The following PRKG1 variants were observed in gnomAD, a reference collection of about 807,000 sequenced individuals.
PRKG1 encodes cGMP-dependent protein kinase 1.
PRKG1 carries 35 observed loss-of-function variants against 88.1 expected under a neutral mutation model. The ratio of observed to expected loss-of-function variants is 0.40; its 90% CI spans 0.30 to 0.53. The LOEUF is 0.53. Ranked by LOEUF, PRKG1 falls within the 20% of genes least tolerant of loss-of-function variation. The probability of loss-of-function intolerance (pLI) is 0.59; values close to 1 mark genes in which losing one functional copy is unlikely to be tolerated. For synonymous variants in PRKG1, 303 were observed against 292.5 expected (o/e 1.04, Z -0.37); for missense variants, 540 against 839.8 (o/e 0.64, Z 4.41).
At chr10:51,872,107 G>A (rs971661009) in intron 4 of PRKG1, among the ~76,000 whole-genome samples, 6 of 151,978 alleles carry the variant, frequency 3.9e-5, no homozygotes, top group South Asian at 2.1e-4. Context: ...CTTCATCTCC[G>A]CCTCTCCTCT....
chr10:51,193,275 T>C (rs1837676256), intron 2 of PRKG1, among the ~76,000 whole-genome samples: 1 of 151,932 alleles, frequency 6.6e-6, no homozygotes, highest in Non-Finnish European at 1.5e-5. Flanking sequence ...TCAGAAACCA[T>C]CTACATCAAA....
intron 1 of PRKG1, among the ~76,000 whole-genome samples, chr10:51,134,902 A>G (rs1282306684): frequency 6.6e-6 from 1 of 152,192 alleles, no homozygotes; most frequent in African/African-American, 2.4e-5. Context: ...ACCAGTGTAT[A>G]TACAGCCCAG....
At chr10:51,480,389 C>G (rs1247035770) in intron 3 of PRKG1, among the ~76,000 whole-genome samples, 2 of 151,812 alleles carry the variant, frequency 1.3e-5, no homozygotes, top group Non-Finnish European at 2.9e-5. Context: ...AAGAAGTGTC[C>G]CTCTACTTAA....
chr10:52,027,907 G>A (rs1033175003), intron 5 of PRKG1, among the ~76,000 whole-genome samples: 1 of 152,054 alleles, frequency 6.6e-6, no homozygotes, highest in African/African-American at 2.4e-5. Context: ...TCCTGCCTCA[G>A]CCACCAGAGT....
chr10:51,245,061 C>G (rs1839254656), intron 2 of PRKG1: 2 of 152,096 alleles, frequency 1.3e-5, no homozygotes, highest in African/African-American at 2.4e-5. Context: ...TTTTCCTCTT[C>G]TCCCTAGCTT....
intron 5 of PRKG1, among the ~76,000 whole-genome samples, chr10:51,942,314 G>A (rs1337395304): frequency 6.6e-6 from 1 of 151,862 alleles, no homozygotes; most frequent in Admixed American, 6.6e-5. Context: ...TTTTTTTCTT[G>A]TAAATTTGTT....
At chr10:51,939,438 T>C (rs536093319) in intron 5 of PRKG1, among the ~76,000 whole-genome samples, 1 of 152,114 alleles carries the variant, frequency 6.6e-6, no homozygotes, top group South Asian at 2.1e-4. Context: ...ATTACAACCC[T>C]GAACAGATAC....
intron 1 of PRKG1, among the ~76,000 whole-genome samples, chr10:51,045,098 A>G (rs559204309): frequency 1.3e-5 from 2 of 152,298 alleles, no homozygotes; most frequent in Non-Finnish European, 2.9e-5. Flanking sequence ...CACTTTTAAT[A>G]CATTTACTTT....
At chr10:51,076,974 G>C (rs1421508475) in intron 1 of PRKG1, among the ~76,000 whole-genome samples, 1 of 152,104 alleles carries the variant, frequency 6.6e-6, no homozygotes, top group Non-Finnish European at 1.5e-5. Flanking sequence ...GAAAATGATA[G>C]AATGCCTTCC....
chr10:51,748,655 T>C (rs1289307899), intron 3 of PRKG1, among the ~76,000 whole-genome samples: 1 of 152,238 alleles, frequency 6.6e-6, no homozygotes, highest in Admixed American at 6.5e-5. Context: ...TAATTGGATG[T>C]TTAAGCCAAA....
chr10:51,973,563 A>G (rs572797218), intron 5 of PRKG1, among the ~76,000 whole-genome samples: 65 of 152,282 alleles, frequency 4.3e-4, no homozygotes, highest in African/African-American at 1.5e-3. Flanking sequence ...TTCACTTGGT[A>G]TATTAGTTGC....
At position 52,282,314 on chromosome 10, in the gene PRKG1, C is replaced by G. The variant is rs547952925; in HGVS notation, c.1707C>G (p.Gly569=). ...LGILMYELLT[G]SPPFSGPDPM... is the part of the protein sequence containing the mutation. ...TCCTAATGTATGAACTCCTGACTGG[C>G]AGGTATGGATATTGATAGGGAACTG... The change falls in exon 14 of 18, where the codon GGC becomes GGG. Residue 569 remains glycine, a splice_region_variant and synonymous_variant. Transcript: ENST00000373980. The G allele has an allele frequency of 6.3e-6, 10 of 1,591,962 alleles. No homozygotes were observed. In the African/African-American group the frequency reaches 9.4e-5, roughly 15 times the overall value.
At chr10:51,489,280 G>A (rs1032491300) in intron 3 of PRKG1, among the ~76,000 whole-genome samples, 6 of 152,108 alleles carry the variant, frequency 3.9e-5, no homozygotes, top group Non-Finnish European at 5.9e-5. Context: ...GTAGGCAGAC[G>A]GGACAGGCAT....
At chr10:51,509,010 A>C (rs1031911918) in intron 3 of PRKG1, among the ~76,000 whole-genome samples, 1 of 152,172 alleles carries the variant, frequency 6.6e-6, no homozygotes, top group Non-Finnish European at 1.5e-5. Flanking sequence ...ATCTGAGTTA[A>C]AATTGTTAAC....
Position 51,818,879 on chromosome 10 carries a change from C to A in PRKG1, c.698+14189C>A, listed in dbSNP as rs1219404761. ...AAAATTAGCCGGGCGTAGTGGTGGG[C>A]GCCTGTAGTCCCAGCTACTTGGGAG... is the stretch of plus-strand genomic sequence containing the variant. On this transcript the variant is annotated intron_variant, in intron 4 of 17. Transcript: ENST00000373980. 1.5e-4 allele frequency among the ~76,000 whole-genome samples: 19 copies of A among 129,376 alleles called. 4 individuals carry two copies. The highest frequency in any genetic ancestry group is 2.8e-4 in the Non-Finnish European group (18 of 64,924). The allele number at this position is 129,376 out of a possible 152,430, so 84.9% of individuals were successfully genotyped here.
At chr10:51,679,986 A>G (rs1325918002) in intron 3 of PRKG1, among the ~76,000 whole-genome samples, 6 of 151,034 alleles carry the variant, frequency 4.0e-5, no homozygotes, top group African/African-American at 1.2e-4. Context: ...CCCAAGAAAC[A>G]AAGGATCAAA....
chr10:51,707,286 T>C (rs1841630701), intron 3 of PRKG1, among the ~76,000 whole-genome samples: 1 of 152,184 alleles, frequency 6.6e-6, no homozygotes, highest in Non-Finnish European at 1.5e-5. Context: ...GAACTTTGAC[T>C]GTGGAGGATA....
chr10:51,786,899 G>T (rs1304385632), intron 3 of PRKG1, among the ~76,000 whole-genome samples: 1 of 152,146 alleles, frequency 6.6e-6, no homozygotes, highest in Non-Finnish European at 1.5e-5. Flanking sequence ...AAGATTTCTA[G>T]AAATATGTCC....
chr10:51,034,668 TTATATATATATATATATATA>T (rs1554831108), intron 1 of PRKG1, among the ~76,000 whole-genome samples: 4 of 68,186 alleles, frequency 5.9e-5, no homozygotes, highest in South Asian at 5.4e-4. Context: ...AATATGTTAT[TTATATATATATATATATATA>T]TATATATATA....
Sources: gnomAD v4.1 joint callset for allele counts (sites outside exome capture counted in the v4.1 genomes callset) on GRCh38, gnomAD v4.1.1 for gene constraint, MANE v1.5 for transcripts, NCBI Gene and HGNC (gene_info 2026-07-23, HGNC 2026-07-21) for gene names.